TMTC4: variants seen among roughly 807,000 people sequenced by gnomAD.
TMTC4 encodes the protein protein O-mannosyl-transferase TMTC4.
A neutral mutation model predicts 86.0 loss-of-function variants in TMTC4; 65 were observed. That is an observed-to-expected ratio of 0.76 (90% confidence interval 0.62 to 0.93). The LOEUF (loss-of-function observed/expected upper bound fraction) is 0.93, where lower values mean the gene tolerates loss of function less well. Ranked by LOEUF, TMTC4 falls within the 40% of genes least tolerant of loss-of-function variation. TMTC4 has a pLI of 0.00. For missense variants in TMTC4, 866 were observed against 948.1 expected, an observed-to-expected ratio of 0.91 and a Z score of 1.14; for synonymous variants, 379 against 382.5, an observed-to-expected ratio of 0.99 and a Z score of 0.11.
chr13:100,632,414 A>G (rs1191124134), intron 12 of TMTC4, among the ~76,000 whole-genome samples: 1 of 152,234 alleles, frequency 6.6e-6, no homozygotes, highest in East Asian at 1.9e-4. Context: ...GCCTCTGTAA[A>G]GAAATCTGAA....
At chr13:100,612,657 AC>A (rs2153023322) in intron 16 of TMTC4, 147 bp from the exon 17 acceptor site, 1 of 86,966 alleles carries the variant, frequency 1.1e-5, no homozygotes, top group Non-Finnish European at 2.5e-5. Context: ...CATGTAATAC[AC>A]ACACACACAC....
chr13:100,658,003 C>G (rs1225399706), intron 5 of TMTC4, among the ~76,000 whole-genome samples: 2 of 152,038 alleles, frequency 1.3e-5, no homozygotes, highest in African/African-American at 4.8e-5. Flanking sequence ...ACAAACACTA[C>G]CGAGAAGGAA....
At chr13:100,606,115 A>C (rs1391619124) in intron 18 of TMTC4, among the ~76,000 whole-genome samples, 2 of 152,204 alleles carry the variant, frequency 1.3e-5, no homozygotes, top group East Asian at 3.9e-4. Flanking sequence ...AAAGAAGGAC[A>C]ATCTGAGTTT....
intron 6 of TMTC4, among the ~76,000 whole-genome samples, chr13:100,654,541 T>C (rs1033680122): frequency 5.9e-5 from 9 of 152,182 alleles, no homozygotes; most frequent in Admixed American, 3.9e-4. Flanking sequence ...TTTGTATGGA[T>C]ATTTGGAAAT....
chr13:100,615,462 A>T (rs1878334833), intron 15 of TMTC4, among the ~76,000 whole-genome samples: 1 of 148,724 alleles, frequency 6.7e-6, no homozygotes, highest in African/African-American at 2.5e-5. Context: ...TTAGAAACAG[A>T]GTCTCGCTCT....
intron 7 of TMTC4, among the ~76,000 whole-genome samples, chr13:100,641,056 CT>C (rs540437424): frequency 1.5e-3 from 223 of 152,136 alleles, no homozygotes; most frequent in African/African-American, 5.2e-3. Flanking sequence ...CCCCACCCCC[CT>C]GACACTGCCG....
At chr13:100,622,653 T>C (rs544371188) in intron 15 of TMTC4, among the ~76,000 whole-genome samples, 33 of 152,292 alleles carry the variant, frequency 2.2e-4, no homozygotes, top group African/African-American at 3.8e-4. Flanking sequence ...CCCAGCCACA[T>C]GGAACTGTGA....
In TMTC4 at chr13:100,636,726, G is replaced by A. The variant is rs61733530; in HGVS notation, c.1008C>T (p.Asn336=). 8.9e-4 allele frequency: 1,429 copies of A among 1,614,014 alleles called. 12 individuals are homozygous for A. The African/African-American group carries it at 0.017, about 19-fold the overall frequency. The change falls in exon 10 of 19, where the codon AAC becomes AAT. Residue 336 remains asparagine, a synonymous_variant. Coordinates refer to ENST00000342624, the MANE Select transcript of TMTC4 (RefSeq NM_032813.5). ...FADSMLVRAV[N]YNYYYSLNAW... is the part of the protein sequence containing the mutation. ...CATTCAATGAATAGTAGTAATTGTA[G>A]TTTACGGCCTGCCAGTCAAAAGGAG... is the stretch of plus-strand genomic sequence containing the variant.
rs572276720 is a variant in TMTC4 at position 100,654,118 on chromosome 13, AG to A, written c.640+2262del. Among the ~76,000 whole-genome samples the A allele has an allele frequency of 1.1e-4, 17 of 152,332 alleles. No individual in the cohort carries two copies. In the South Asian group the frequency reaches 3.3e-3, roughly 30 times the overall value. On this transcript the variant is annotated intron_variant, in intron 6 of 18. Coordinates refer to ENST00000342624, the MANE Select transcript of TMTC4 (RefSeq NM_032813.5). The stretch of plus-strand genomic sequence containing the variant: ...GAGGTCAACAGAAAGCATTCTTCAA[AG>A]GCTTCCCAGTCCACCTATCTGTCTT...
chr13:100,648,820 C>T (rs1884070259), intron 6 of TMTC4, among the ~76,000 whole-genome samples: 1 of 152,204 alleles, frequency 6.6e-6, no homozygotes, highest in Non-Finnish European at 1.5e-5. Context: ...GCTGGGACCA[C>T]AGGCACATGC....
intron 7 of TMTC4, among the ~76,000 whole-genome samples, chr13:100,639,956 A>AAATAAAAT (rs1882799077): frequency 6.6e-6 from 1 of 151,876 alleles, no homozygotes; most frequent in Non-Finnish European, 1.5e-5. Context: ...AATAAAAATA[A>AAATAAAAT]AATAAAATAA....
At chr13:100,674,981 C>T, upstream of TMTC4, 4 of 985,618 alleles carry the variant, frequency 4.1e-6, no homozygotes, top group Non-Finnish European at 4.8e-6. Context: ...ACAGCCAAGT[C>T]CCTCCTCAGC....
At chr13:100,641,054 CCCT>C (rs1204569394) in intron 7 of TMTC4, among the ~76,000 whole-genome samples, 2 of 152,048 alleles carry the variant, frequency 1.3e-5, no homozygotes, top group Admixed American at 1.3e-4. Flanking sequence ...TCCCCCACCC[CCCT>C]GACACTGCCG....
At chr13:100,607,405 T>G (rs1340174520) in intron 17 of TMTC4, among the ~76,000 whole-genome samples, 1 of 151,856 alleles carries the variant, frequency 6.6e-6, no homozygotes, top group Non-Finnish European at 1.5e-5. Flanking sequence ...TAATCCCAGC[T>G]ACTTGGGAGG....
rs148197712 is a variant in TMTC4, at chr13:100,650,267, T to G, written c.640+6114A>C. On this transcript the variant is annotated intron_variant, in intron 6 of 18. Coordinates refer to ENST00000342624, the MANE Select transcript of TMTC4 (RefSeq NM_032813.5). ...ATATTGTCTCTAGCATCTAAGAGAA[T>G]TCACTCACTTAGGTAAATGGAGGCA... 4.2e-3 allele frequency among the ~76,000 whole-genome samples: 641 copies of G among 152,322 alleles called. 7 individuals carry two copies. The highest frequency in any genetic ancestry group is 0.015 in the African/African-American group (623 of 41,570).
chr13:100,618,906 G>A (rs901778860), intron 15 of TMTC4, among the ~76,000 whole-genome samples: 2 of 152,162 alleles, frequency 1.3e-5, no homozygotes, highest in Admixed American at 1.3e-4. Context: ...CACAGACACG[G>A]CAACCATCCG....
At chr13:100,667,825 T>C (rs1220910468) in intron 3 of TMTC4, among the ~76,000 whole-genome samples, 1 of 152,240 alleles carries the variant, frequency 6.6e-6, no homozygotes, top group African/African-American at 2.4e-5. Context: ...CTTTCTCCTC[T>C]GGGCCTTGCC....
chr13:100,627,288 C>T (rs9554713), intron 12 of TMTC4, among the ~76,000 whole-genome samples: 50,611 of 152,038 alleles, frequency 0.33, 8,778 homozygotes, highest in East Asian at 0.59. Context: ...CTCAGAGCCA[C>T]GAGGCCGGCG....
Position 100,670,518 on chromosome 13 carries a change from T to C in TMTC4, c.-156A>G. ...GCAAGTGCTGGGGGAATACTGCAGC[T>C]ACTTTTCTTTTCCAGTCAAAGGATA... On this transcript the variant is annotated 5_prime_UTR_variant, in exon 2 of 19. Coordinates refer to ENST00000342624, the MANE Select transcript of TMTC4 (RefSeq NM_032813.5). The C allele has an allele frequency of 1.6e-6, 1 of 628,454 alleles. No homozygotes were observed. The highest frequency in any genetic ancestry group is 2.6e-6 in the Non-Finnish European group (1 of 388,076). The allele number at this position is 628,454 out of a possible 1,614,324, so 38.9% of individuals were successfully genotyped here. A position where few individuals can be genotyped will look rare whatever the true frequency, so the allele number is the denominator to read the frequency against.
Sources: gnomAD v4.1 joint callset for allele counts (sites outside exome capture counted in the v4.1 genomes callset) on GRCh38, gnomAD v4.1.1 for gene constraint, MANE v1.5 for transcripts, NCBI Gene and HGNC (gene_info 2026-07-23, HGNC 2026-07-21) for gene names.